PCBP3: variants seen among roughly 807,000 people sequenced by gnomAD.
The protein encoded by PCBP3 is poly(rC) binding protein 3.
A neutral mutation model predicts 52.7 loss-of-function variants in PCBP3; 25 were observed. The observed-to-expected ratio is 0.47, with a 90% CI of 0.35 to 0.66. PCBP3 has a LOEUF of 0.66. Ranked by LOEUF, PCBP3 falls within the 30% of genes least tolerant of loss-of-function variation. The pLI is 0.01. For synonymous variants in PCBP3, 162 were observed against 183.0 expected (o/e 0.89, Z 0.93); for missense variants, 391 against 490.3 (o/e 0.80, Z 1.91).
chr21:45,778,180 T>G (rs528927520), intron 4 of PCBP3, among the ~76,000 whole-genome samples: 3 of 152,220 alleles, frequency 2.0e-5, no homozygotes, highest in African/African-American at 7.2e-5. Flanking sequence ...TATCTTTGTC[T>G]GTAAACAGCA....
intron 4 of PCBP3, among the ~76,000 whole-genome samples, chr21:45,780,243 C>G (rs768091911): frequency 1.1e-4 from 16 of 152,210 alleles, no homozygotes; most frequent in Non-Finnish European, 2.1e-4. Flanking sequence ...AAGCATTCGT[C>G]TCAAAATACA....
intron 9 of PCBP3, among the ~76,000 whole-genome samples, chr21:45,902,198 T>C (rs964816682): frequency 2.0e-5 from 3 of 151,982 alleles, no homozygotes; most frequent in Non-Finnish European, 2.9e-5. Flanking sequence ...TGAGGGAAGC[T>C]GACTGCCCAG....
At chr21:45,914,065 A>T in intron 12 of PCBP3, 40 bp downstream of exon 12, 1 of 1,611,788 alleles carries the variant, frequency 6.2e-7, no homozygotes, top group South Asian at 1.1e-5. Flanking sequence ...TGCCAACCTC[A>T]GCCTTTTACT....
chr21:45,768,899 G>A (rs751438398), intron 4 of PCBP3, among the ~76,000 whole-genome samples: 2 of 152,320 alleles, frequency 1.3e-5, no homozygotes, highest in Non-Finnish European at 2.9e-5. Context: ...TGCCTGTTCC[G>A]TCTGACTCGG....
intron 4 of PCBP3, among the ~76,000 whole-genome samples, chr21:45,807,748 C>CA (rs1881756155): frequency 2.0e-5 from 3 of 149,302 alleles, no homozygotes; most frequent in African/African-American, 7.6e-5. Context: ...GCAAAAAAAA[C>CA]AAAAACAAAA....
chr21:45,756,991 C>A (rs1266060826), intron 4 of PCBP3, among the ~76,000 whole-genome samples: 1 of 152,112 alleles, frequency 6.6e-6, no homozygotes, highest in South Asian at 2.1e-4. Context: ...TACAAACATT[C>A]CTGTACAAGT....
Position 45,940,121 on chromosome 21 carries a change from A to AAGG in PCBP3, c.1002_1004dup (p.Gly335dup). The AAGG allele has an allele frequency of 6.2e-7, 1 of 1,614,056 alleles. No individual in the cohort carries two copies. The highest frequency in any genetic ancestry group is 8.5e-7 in the Non-Finnish European group (1 of 1,180,016). On this transcript the variant is annotated inframe_insertion, in exon 17 of 18. Coordinates refer to ENST00000681687, the MANE Select transcript of PCBP3 (RefSeq NM_001384156.1). ...CAGATCAAAATCGCCAACGCCACGG[A>AAGG]AGGGTCCTCAGAGCGTCAGATCACC...
At position 45,758,275 on chromosome 21, in the gene PCBP3, G is replaced by A. The variant is rs145496527; in HGVS notation, c.-126+2823G>A. Among the ~76,000 whole-genome samples the A allele has an allele frequency of 4.4e-4, 67 of 152,226 alleles. No homozygotes were observed. In the East Asian group the frequency reaches 9.8e-3, roughly 22 times the overall value. ...TGAGTCTTCTTAGTTCTTCTTTTCC[G>A]AAATTTTGACTATTTTTTTTTGTCA... On this transcript the variant is annotated intron_variant, in intron 4 of 17. Transcript: ENST00000681687.
chr21:45,699,429 C>T (rs766778163), intron 2 of PCBP3, among the ~76,000 whole-genome samples: 28 of 152,286 alleles, frequency 1.8e-4, no homozygotes, highest in African/African-American at 1.7e-4. Context: ...AACCAACACC[C>T]GCTTCCTGTT....
At chr21:45,840,098 A>G (rs552053606) in intron 4 of PCBP3, among the ~76,000 whole-genome samples, 41 of 152,164 alleles carry the variant, frequency 2.7e-4, no homozygotes, top group African/African-American at 9.9e-4. Context: ...GTGCTGTACA[A>G]TTTGTGTGTG....
chr21:45,763,001 G>A (rs2088867080), intron 4 of PCBP3: 1 of 152,160 alleles, frequency 6.6e-6, no homozygotes, highest in South Asian at 2.1e-4. Flanking sequence ...TTTTCTCTAG[G>A]TAATTTAACT....
At chr21:45,784,618 G>A (rs1337179882) in intron 4 of PCBP3, among the ~76,000 whole-genome samples, 4 of 152,178 alleles carry the variant, frequency 2.6e-5, no homozygotes, top group South Asian at 2.1e-4. Context: ...GCGCCGCCAC[G>A]CCTGACTGGT....
chr21:45,767,527 T>C (rs77641519), intron 4 of PCBP3, among the ~76,000 whole-genome samples: 6,850 of 152,298 alleles, frequency 0.045, 220 homozygotes, highest in Non-Finnish European at 0.068. Flanking sequence ...TTGACACCTC[T>C]TTTCAGTTCC....
At chr21:45,743,782 T>G (rs1276376151) in intron 3 of PCBP3, among the ~76,000 whole-genome samples, 4 of 152,172 alleles carry the variant, frequency 2.6e-5, no homozygotes, top group Admixed American at 6.5e-5. Flanking sequence ...TTTCTAATTT[T>G]TATATGATTT....
chr21:45,695,335 G>A (rs1299811500), intron 2 of PCBP3, among the ~76,000 whole-genome samples: 1 of 152,118 alleles, frequency 6.6e-6, no homozygotes, highest in Non-Finnish European at 1.5e-5. Flanking sequence ...CAGGTTTCAG[G>A]GCTTTTGTTC....
chr21:45,689,032 A>G (rs542263320), intron 2 of PCBP3, among the ~76,000 whole-genome samples: 4 of 151,234 alleles, frequency 2.6e-5, no homozygotes, highest in South Asian at 4.2e-4. Context: ...TTCCTACACA[A>G]TTTTTTTTTC....
intron 4 of PCBP3, among the ~76,000 whole-genome samples, chr21:45,835,028 C>T (rs1054602194): frequency 3.9e-5 from 6 of 152,246 alleles, no homozygotes; most frequent in African/African-American, 7.2e-5. Flanking sequence ...GAGGCCGGTT[C>T]GCGAACGCCG....
chr21:45,712,498 T>C (rs2083904135), intron 2 of PCBP3, among the ~76,000 whole-genome samples: 1 of 152,188 alleles, frequency 6.6e-6, no homozygotes, highest in Admixed American at 6.5e-5. Flanking sequence ...TTTTGATGTG[T>C]TTAATGTGGT....
intron 5 of PCBP3, among the ~76,000 whole-genome samples, chr21:45,877,649 CAA>C (rs2095297694): frequency 6.6e-6 from 1 of 152,100 alleles, no homozygotes; most frequent in Non-Finnish European, 1.5e-5. Flanking sequence ...ACTAAAAATA[CAA>C]AAAATTAGCC....
Sources: allele counts gnomAD v4.1 joint callset (sites outside exome capture counted in the v4.1 genomes callset), GRCh38; gene constraint gnomAD v4.1.1; transcripts MANE v1.5; gene names NCBI Gene and HGNC (gene_info 2026-07-23, HGNC 2026-07-21).